STAT5B: variants seen among roughly 807,000 people sequenced by gnomAD.
The protein encoded by STAT5B is signal transducer and activator of transcription 5B.
In STAT5B, 21 loss-of-function variants were observed where a neutral mutation model predicts 107.8. That is an observed-to-expected ratio of 0.19 (90% CI 0.14 to 0.28). The LOEUF is 0.28. Ranked by LOEUF, STAT5B falls within the 10% of genes least tolerant of loss-of-function variation. The pLI, the probability that STAT5B is intolerant of heterozygous loss-of-function variation, is 1.00. For missense variants in STAT5B, 565 were observed against 1,008.2 expected (o/e 0.56, Z 5.95); for synonymous variants, 325 against 401.7 (o/e 0.81, Z 2.28).
At chr17:42,214,092 G>A (rs148233403) in intron 12 of STAT5B, 122 of 496,816 alleles carry the variant, frequency 2.5e-4, no homozygotes, top group African/African-American at 2.0e-3. Flanking sequence ...GCAGTGAGCC[G>A]AGATAATGCC....
In STAT5B at chr17:42,224,768, G is replaced by A. The variant is rs1420747001; in HGVS notation, c.375+11C>T. The A allele has an allele frequency of 6.2e-7, 1 of 1,613,468 alleles. No individual in the cohort carries two copies. Among genetic ancestry groups the A allele is most frequent in the Admixed American group, 1.7e-5 (1 of 59,994 alleles). The stretch of plus-strand genomic sequence containing the variant: ...TCCCGACTGCCCTCCCCATCCCTAT[G>A]GGACACTCACATTGTTGGCTTCTCG... On this transcript the variant is annotated intron_variant, in intron 4 of 18. Coordinates refer to ENST00000293328, the MANE Select transcript of STAT5B (RefSeq NM_012448.4).
At chr17:42,229,921 C>T (rs1449241023) in intron 2 of STAT5B, among the ~76,000 whole-genome samples, 1 of 151,590 alleles carries the variant, frequency 6.6e-6, no homozygotes, top group African/African-American at 2.4e-5. Context: ...TGAAGAAAAC[C>T]AAAGCTAAAA....
chr17:42,283,720 C>T, the STAT5B span, among the ~76,000 whole-genome samples: 1 of 152,234 alleles, frequency 6.6e-6, no homozygotes, highest in African/African-American at 2.4e-5. Context: ...CAGATTTGCA[C>T]AGAAGTCCTC....
chr17:42,222,543 G>A (rs2144264245), intron 5 of STAT5B, among the ~76,000 whole-genome samples: 1 of 152,198 alleles, frequency 6.6e-6, no homozygotes, highest in African/African-American at 2.4e-5. Context: ...GCTTAGAAAG[G>A]TTTCTTTTCC....
At chr17:42,230,679 T>A (rs1051556487) in intron 2 of STAT5B, among the ~76,000 whole-genome samples, 11 of 151,900 alleles carry the variant, frequency 7.2e-5, no homozygotes, top group Non-Finnish European at 2.9e-5. Context: ...TTTTTTTTTT[T>A]AAAGGCAGTC....
Position 42,210,470 on chromosome 17 carries a change from A to G in STAT5B, c.1708T>C (p.Phe570Leu). 1 of 1,614,244 alleles carries G rather than the reference A, an allele frequency of 6.2e-7. No individual in the cohort carries two copies. The change falls in exon 14 of 19, where the codon TTC (phenylalanine) becomes CTC (leucine). Residue 570 changes from phenylalanine (F) to leucine (L), a missense_variant. This residue lies in a region of STAT5B where 127 missense variants were observed against 215.8 expected (regional missense o/e 0.59). Coordinates refer to ENST00000293328, the MANE Select transcript of STAT5B (RefSeq NM_012448.4). Reference sequence around the variant, plus strand: ...ATCACACCGTCAAACCATTGCCAGAAAGTGTAATTCCGTCCTGGTAAATTC... The same window carrying G: ...ATCACACCGTCAAACCATTGCCAGAGAGTGTAATTCCGTCCTGGTAAATTC... ...RENLPGRNYT[F>L]WQWFDGVMEV...
At chr17:42,258,148 T>TAA (rs1226428096) in intron 1 of STAT5B, among the ~76,000 whole-genome samples, 39 of 152,366 alleles carry the variant, frequency 2.6e-4, no homozygotes, top group Non-Finnish European at 4.3e-4. Context: ...TATTGAGGAA[T>TAA]AATTTTACAT....
intron 3 of STAT5B, among the ~76,000 whole-genome samples, chr17:42,226,664 C>T (rs2080274442): frequency 6.6e-6 from 1 of 151,208 alleles, no homozygotes; most frequent in Admixed American, 6.6e-5. Flanking sequence ...AAAAATTAGG[C>T]GGGTGTGGTG....
At chr17:42,234,324 G>A (rs2080340773) in intron 1 of STAT5B, 1 of 152,122 alleles carries the variant, frequency 6.6e-6, no homozygotes, top group Admixed American at 6.6e-5. Flanking sequence ...GTATTATTTA[G>A]GGCTTTTAGG....
chr17:42,248,961 G>C (rs763777481), intron 1 of STAT5B, among the ~76,000 whole-genome samples: 1 of 152,246 alleles, frequency 6.6e-6, no homozygotes, highest in Non-Finnish European at 1.5e-5. Context: ...TTGACTGAAC[G>C]AAGGGCAGTA....
chr17:42,266,119 G>GT (rs1423211442), intron 1 of STAT5B, among the ~76,000 whole-genome samples: 7 of 151,966 alleles, frequency 4.6e-5, no homozygotes, highest in Admixed American at 3.9e-4. Flanking sequence ...TCTATAAGAT[G>GT]TATCTTCTTT....
At chr17:42,255,608 CAT>C (rs1241151939) in intron 1 of STAT5B, among the ~76,000 whole-genome samples, 1 of 152,166 alleles carries the variant, frequency 6.6e-6, no homozygotes, top group Non-Finnish European at 1.5e-5. Flanking sequence ...TAGTCAAACT[CAT>C]AGAGACAGAA....
At chr17:42,250,614 A>C (rs2080490469) in intron 1 of STAT5B, among the ~76,000 whole-genome samples, 1 of 152,148 alleles carries the variant, frequency 6.6e-6, no homozygotes, top group Non-Finnish European at 1.5e-5. Flanking sequence ...TGTGAACCAC[A>C]GTGGTTTACT....
At chr17:42,242,175 A>C (rs2144329024) in intron 1 of STAT5B, among the ~76,000 whole-genome samples, 1 of 152,330 alleles carries the variant, frequency 6.6e-6, no homozygotes, top group South Asian at 2.1e-4. Flanking sequence ...GAGAAGGTAG[A>C]GAAAGGATCT....
intron 1 of STAT5B, among the ~76,000 whole-genome samples, chr17:42,244,330 A>G (rs957703435): frequency 6.7e-6 from 1 of 148,174 alleles, no homozygotes; most frequent in Non-Finnish European, 1.5e-5. Context: ...GGCTCAAGTG[A>G]TCCTCTTACC....
At chr17:42,287,198 C>CTT in the STAT5B span, among the ~76,000 whole-genome samples, 34 of 144,270 alleles carry the variant, frequency 2.4e-4, no homozygotes, top group African/African-American at 8.6e-4. Context: ...CTTTGAAGTT[C>CTT]TTTTTTTTTT....
rs977321023 is a variant in STAT5B at position 42,200,817 on chromosome 17, G to A, written c.*921C>T. The A allele has an allele frequency of 8.5e-5, 31 of 364,588 alleles. No homozygotes were observed. The Admixed American group carries it at 1.1e-3, about 12-fold the overall frequency. The allele number at this position is 364,588 out of a possible 1,614,324, so 22.6% of individuals were successfully genotyped here. ...GAAGAAGGCCACGGACTGTGCATCC[G>A]CTGGCTCAGAGAAAGGCTGGGCAGC... On this transcript the variant is annotated 3_prime_UTR_variant, in exon 19 of 19. Coordinates refer to ENST00000293328, the MANE Select transcript of STAT5B (RefSeq NM_012448.4).
intron 12 of STAT5B, among the ~76,000 whole-genome samples, chr17:42,212,916 G>C (rs957216575): frequency 6.6e-6 from 1 of 152,150 alleles, no homozygotes; most frequent in African/African-American, 2.4e-5. Context: ...ACCTAACACA[G>C]TTTCTTGTGT....
chr17:42,217,164 A>T lies in STAT5B; in HGVS notation c.1376T>A (p.Val459Asp). 6.2e-7 allele frequency: 1 copy of T among 1,612,308 alleles called. No homozygotes were observed. The highest frequency in any genetic ancestry group is 8.5e-7 in the Non-Finnish European group (1 of 1,179,158). ...AGAGCTGAGGGAAGGCTTTACCTTGACTTGAAAAACCAGCTCATTTCCACC... is the reference window on the plus strand; with the variant it reads ...AGAGCTGAGGGAAGGCTTTACCTTGTCTTGAAAAACCAGCTCATTTCCACC... ...SVGGNELVFQ[V>D]KTLSLPVVVI... The change falls in exon 11 of 19, where the codon GTC (valine) becomes GAC (aspartate). Residue 459 changes from valine (V) to aspartate (D), a missense_variant. By Grantham distance (152) the Val-to-Asp change is radical. This residue lies in a region of STAT5B where 127 missense variants were observed against 215.8 expected (regional missense o/e 0.59). Transcript: ENST00000293328.
Sources: gnomAD v4.1 joint callset for allele counts (sites outside exome capture counted in the v4.1 genomes callset) on GRCh38, gnomAD v4.1.1 for gene constraint, gnomAD v4.1.1 regional missense constraint, MANE v1.5 for transcripts, NCBI Gene and HGNC (gene_info 2026-07-23, HGNC 2026-07-21) for gene names.